The following CD200 variants were observed in gnomAD, a reference collection of about 807,000 sequenced individuals.
CD200 encodes CD200 molecule.
CD200 carries 15 observed loss-of-function variants against 30.9 expected under a neutral mutation model. The ratio of observed to expected loss-of-function variants is 0.49; its 90% CI spans 0.32 to 0.75. The LOEUF (loss-of-function observed/expected upper bound fraction) is 0.75, where lower values mean the gene tolerates loss of function less well. Among genes scored for constraint, CD200 ranks in the 30% least tolerant of loss-of-function variants. The pLI is 0.03. For missense variants in CD200, 262 were observed against 324.2 expected (o/e 0.81, Z 1.47); for synonymous variants, 134 against 126.2 (o/e 1.06, Z -0.41).
chr3:112,335,786 A>T lies in CD200; in HGVS notation c.12+2562A>T, dbSNP rs966027254. ...GAATGCTGAAGAAGAGCCCTTTTCCAGCAGGCCAGTCTCTAACATGATCTT... is the reference window on the plus strand; with the variant it reads ...GAATGCTGAAGAAGAGCCCTTTTCCTGCAGGCCAGTCTCTAACATGATCTT... On this transcript the variant is annotated intron_variant, in intron 1 of 5. Transcript: ENST00000315711. 1.9e-5 allele frequency: 13 copies of T among 666,934 alleles called. No homozygotes were observed. In the East Asian group the frequency reaches 3.5e-4, roughly 18 times the overall value. The allele number at this position is 666,934 out of a possible 1,614,324, so 41.3% of individuals were successfully genotyped here.
At chr3:112,335,903 TG>T in intron 1 of CD200, 1 of 1,419,684 alleles carries the variant, frequency 7.0e-7, no homozygotes, top group East Asian at 2.3e-5. Context: ...GAGACAATAT[TG>T]GCTCTAATTT....
Position 112,342,271 on chromosome 3 carries a change from G to GTCCTTCCTTCCT in CD200, c.94+1314_94+1325dup, listed in dbSNP as rs745418625. Among the ~76,000 whole-genome samples, 157 of 75,668 alleles carry GTCCTTCCTTCCT rather than the reference G, an allele frequency of 2.1e-3. 33 individuals are homozygous for GTCCTTCCTTCCT. The highest frequency in any genetic ancestry group is 8.0e-3 in the African/African-American group (140 of 17,558). 49.6% of individuals were successfully genotyped at this position (75,668 alleles called of 152,430 possible). On this transcript the variant is annotated intron_variant, in intron 2 of 5. Coordinates refer to ENST00000315711, the MANE Select transcript of CD200 (RefSeq NM_005944.7). ...AGAATTAAATGTTTCTCTGAGAACT[G>GTCCTTCCTTCCT]TCCTTCCTTCCTTCCTTCCTTCCTT... is the stretch of plus-strand genomic sequence containing the variant.
chr3:112,355,095 T>A (rs1381281584), intron 5 of CD200, among the ~76,000 whole-genome samples: 2 of 152,226 alleles, frequency 1.3e-5, no homozygotes, highest in Non-Finnish European at 2.9e-5. Flanking sequence ...AATATGGATG[T>A]CTTTGGGGTG....
intron 5 of CD200, among the ~76,000 whole-genome samples, chr3:112,350,706 T>C (rs1186914222): frequency 6.6e-6 from 1 of 152,218 alleles, no homozygotes; most frequent in African/African-American, 2.4e-5. Flanking sequence ...GACTGAAGGA[T>C]AGGGGTCAGG....
chr3:112,351,242 A>G lies in CD200; in HGVS notation c.802+1423A>G, dbSNP rs76273396. The stretch of plus-strand genomic sequence containing the variant: ...CCAAATGTTCTTCCTGTCATTACTG[A>G]TGCCCCAATGTCTTGACTTGAAAGG... On this transcript the variant is annotated intron_variant, in intron 5 of 5. Coordinates refer to ENST00000315711, the MANE Select transcript of CD200 (RefSeq NM_005944.7). Among the ~76,000 whole-genome samples, 113 of 152,310 alleles carry G rather than the reference A, an allele frequency of 7.4e-4. 1 individual carries two copies. In the East Asian group the frequency reaches 0.016, roughly 21 times the overall value.
At chr3:112,349,649 T>TATTGC in intron 4 of CD200, 63 bp from the exon 5 acceptor site, 2 of 1,453,704 alleles carry the variant, frequency 1.4e-6, no homozygotes, top group East Asian at 2.3e-5. Context: ...AGCTCAACTC[T>TATTGC]TTTTGCCTCA....
At chr3:112,338,505 G>C (rs1488282638) in intron 1 of CD200, among the ~76,000 whole-genome samples, 1 of 152,134 alleles carries the variant, frequency 6.6e-6, no homozygotes, top group Non-Finnish European at 1.5e-5. Context: ...GTGGAGCTTG[G>C]TGTTCAAGGT....
At position 112,340,943 on chromosome 3, in the gene CD200, G is replaced by A. The variant is rs751815083; in HGVS notation, c.54G>A (p.Leu18=). The change falls in exon 2 of 6, where the codon CTG becomes CTA. Residue 18 remains leucine (L), a synonymous_variant. Coordinates refer to ENST00000315711, the MANE Select transcript of CD200 (RefSeq NM_005944.7). Reference sequence around the variant, plus strand: ...TCTCTCATCTGTCTACCTACAGCCTGGTTTGGGTCATGGCAGCAGTGGTGC... The same window carrying A: ...TCTCTCATCTGTCTACCTACAGCCTAGTTTGGGTCATGGCAGCAGTGGTGC... ...MPFSHLSTYS[L]VWVMAAVVLC... 1 of 1,612,904 alleles carries A rather than the reference G, an allele frequency of 6.2e-7. No homozygotes were observed. The highest frequency in any genetic ancestry group is 1.7e-5 in the Admixed American group (1 of 59,992).
In CD200 at chr3:112,349,813, G is replaced by A. The variant is rs2081496125; in HGVS notation, c.796G>A (p.Asp266Asn). 2 of 1,607,102 alleles carry A rather than the reference G, an allele frequency of 1.2e-6. No individual in the cohort carries two copies. Among genetic ancestry groups the A allele is most frequent in the African/African-American group, 2.7e-5 (2 of 74,672 alleles). The change falls in exon 5 of 6, where the codon GAC becomes AAC. Residue 266 changes from aspartate (D) to asparagine (N), a missense_variant. Transcript: ENST00000315711. ...LLYWKRHRNQ[D>N]REP The stretch of plus-strand genomic sequence containing the variant: ...GTACTGGAAACGTCACCGGAATCAG[G>A]ACCGAGGTGAGTTGTCACAGGGAGT...
chr3:112,335,917 A>T, intron 1 of CD200: 1 of 1,536,786 alleles, frequency 6.5e-7, no homozygotes, highest in Non-Finnish European at 9.0e-7. Flanking sequence ...TCTAATTTTT[A>T]TCATCTCATT....
chr3:112,354,468 G>A (rs1334861589), intron 5 of CD200, among the ~76,000 whole-genome samples: 7 of 152,116 alleles, frequency 4.6e-5, no homozygotes, highest in East Asian at 1.9e-4. Context: ...GTTTGGAACC[G>A]CTGTGCATTT....
chr3:112,343,601 G>T (rs2081317901), intron 2 of CD200, among the ~76,000 whole-genome samples: 1 of 152,050 alleles, frequency 6.6e-6, no homozygotes, highest in African/African-American at 2.4e-5. Context: ...ACTGTACCTG[G>T]TAGTTTTTCA....
At chr3:112,360,430 T>C (rs9867544) in intron 5 of CD200, among the ~76,000 whole-genome samples, 75,112 of 151,830 alleles carry the variant, frequency 0.49, 18,985 homozygotes, top group East Asian at 0.6. Flanking sequence ...TAGTCTGAAG[T>C]AAAATAAGTA....
chr3:112,333,705 A>G, intron 1 of CD200: 3 of 985,426 alleles, frequency 3.0e-6, no homozygotes, highest in Non-Finnish European at 3.6e-6. Flanking sequence ...TTTCTCCGGG[A>G]GAGCTCCTGC....
intron 5 of CD200, among the ~76,000 whole-genome samples, chr3:112,350,561 G>A (rs2081511060): frequency 6.6e-6 from 1 of 152,194 alleles, no homozygotes; most frequent in Admixed American, 6.6e-5. Context: ...AGATAGAGAG[G>A]AAGAATGAAA....
intron 5 of CD200, among the ~76,000 whole-genome samples, chr3:112,356,178 G>A (rs543684286): frequency 6.6e-6 from 1 of 152,072 alleles, no homozygotes; most frequent in Non-Finnish European, 1.5e-5. Context: ...CTGAGTCTCC[G>A]TGGACACTAG....
chr3:112,345,060 C>T lies in CD200; in HGVS notation c.193C>T (p.Gln65Ter). Residue 65 changes from glutamine (Q) to a stop codon, truncating the protein, a stop_gained, in exon 3 of 6, where the codon CAG (glutamine) becomes TAG (stop). Coordinates refer to ENST00000315711, the MANE Select transcript of CD200 (RefSeq NM_005944.7). LOFTEE classifies it high-confidence loss of function. ...NAQEALIVTW[Q>*]KKKAVSPENM... Reference sequence around the variant, plus strand: ...CCAGGAAGCCCTCATTGTGACATGGCAGAAAAAGAAAGCTGTAAGCCCAGA... The same window carrying T: ...CCAGGAAGCCCTCATTGTGACATGGTAGAAAAAGAAAGCTGTAAGCCCAGA... 6.2e-7 allele frequency: 1 copy of T among 1,614,038 alleles called. No individual in the cohort carries two copies. Among genetic ancestry groups the T allele is most frequent in the Non-Finnish European group, 8.5e-7 (1 of 1,179,984 alleles).
At chr3:112,349,064 AATG>A (rs2081474954) in intron 4 of CD200, among the ~76,000 whole-genome samples, 1 of 152,204 alleles carries the variant, frequency 6.6e-6, no homozygotes, top group Admixed American at 6.5e-5. Context: ...TCAGTTAAAT[AATG>A]ATGTGACGAA....
chr3:112,352,498 A>C (rs1470208698), intron 5 of CD200, among the ~76,000 whole-genome samples: 1 of 152,016 alleles, frequency 6.6e-6, no homozygotes, highest in Non-Finnish European at 1.5e-5. Flanking sequence ...TGACCTCAAA[A>C]ATGGTGATGT....
Sources: gnomAD v4.1 joint callset for allele counts (sites outside exome capture counted in the v4.1 genomes callset) on GRCh38, gnomAD v4.1.1 for gene constraint, MANE v1.5 for transcripts, NCBI Gene and HGNC (gene_info 2026-07-23, HGNC 2026-07-21) for gene names.